Variants in CTNNA2 observed in about 807,000 individuals in gnomAD.
The protein encoded by CTNNA2 is catenin alpha-2.
CTNNA2 carries 42 observed loss-of-function variants against 101.0 expected under a neutral mutation model. That is an observed-to-expected ratio of 0.42 (90% CI 0.32 to 0.54). The LOEUF is 0.54. CTNNA2 is among the 20% of genes least tolerant of loss of function. CTNNA2 has a pLI of 0.14. For synonymous variants in CTNNA2, 450 were observed against 456.4 expected (o/e 0.99, Z 0.18); for missense variants, 871 against 1,223.1 (o/e 0.71, Z 4.29).
At chr2:79,243,003 C>CACACACATAT (rs1553385613) in intron 2 of CTNNA2, among the ~76,000 whole-genome samples, 1 of 134,330 alleles carries the variant, frequency 7.4e-6, no homozygotes, top group African/African-American at 2.7e-5. Flanking sequence ...TACACACACA[C>CACACACATAT]ACACACACAC....
At chr2:80,031,100 C>T (rs1482221892) in intron 7 of CTNNA2, among the ~76,000 whole-genome samples, 1 of 151,952 alleles carries the variant, frequency 6.6e-6, no homozygotes, top group East Asian at 1.9e-4. Flanking sequence ...ATCCCATTTC[C>T]AGGCATAAAT....
intron 2 of CTNNA2, among the ~76,000 whole-genome samples, chr2:79,696,659 G>A (rs1684671291): frequency 6.6e-6 from 1 of 151,962 alleles, no homozygotes; most frequent in African/African-American, 2.4e-5. Context: ...AGTACTCCCT[G>A]GGCCTAGAGG....
intron 11 of CTNNA2, among the ~76,000 whole-genome samples, chr2:80,547,368 T>G (rs1386367341): frequency 1.3e-5 from 2 of 152,188 alleles, no homozygotes; most frequent in East Asian, 1.9e-4. Context: ...AGGTTTTGTT[T>G]TAAGAAAACT....
chr2:79,549,543 A>G (rs888851596), intron 1 of CTNNA2, among the ~76,000 whole-genome samples: 1 of 152,188 alleles, frequency 6.6e-6, no homozygotes, highest in African/African-American at 2.4e-5. Flanking sequence ...TTTGTCATGT[A>G]ACTATGAACT....
intron 3 of CTNNA2, among the ~76,000 whole-genome samples, chr2:79,790,606 T>C (rs969806864): frequency 6.6e-6 from 1 of 152,198 alleles, no homozygotes; most frequent in Non-Finnish European, 1.5e-5. Flanking sequence ...GACTTTTAAA[T>C]GAAATTACTT....
intron 4 of CTNNA2, among the ~76,000 whole-genome samples, chr2:79,862,307 T>G (rs1681685775): frequency 6.6e-6 from 1 of 152,094 alleles, no homozygotes; most frequent in Admixed American, 6.5e-5. Context: ...CCAAATATAG[T>G]GCTGCTGTTC....
intron 7 of CTNNA2, among the ~76,000 whole-genome samples, chr2:80,129,256 A>T (rs1702290655): frequency 6.6e-6 from 1 of 152,140 alleles, no homozygotes; most frequent in Admixed American, 6.5e-5. Flanking sequence ...GGCTGATGGG[A>T]AGGCCCTGAA....
intron 11 of CTNNA2, among the ~76,000 whole-genome samples, chr2:80,548,836 T>G (rs1692319703): frequency 6.6e-6 from 1 of 152,340 alleles, no homozygotes; most frequent in Admixed American, 6.5e-5. Flanking sequence ...AACATTTACA[T>G]AAGTAAACTG....
Position 79,681,232 on chromosome 2 carries a change from G to T in CTNNA2, c.102+29574G>T, listed in dbSNP as rs75944102. On this transcript the variant is annotated intron_variant, in intron 2 of 18. Coordinates refer to ENST00000402739, the MANE Select transcript of CTNNA2 (RefSeq NM_001282597.3). Reference sequence around the variant, plus strand: ...CACTTTTCTACTAATTTTTTTAGAGGGCACTATTTTTCTCCTGTCCCCTGA... The same window carrying T: ...CACTTTTCTACTAATTTTTTTAGAGTGCACTATTTTTCTCCTGTCCCCTGA... Among the ~76,000 whole-genome samples the T allele has an allele frequency of 5.3e-3, 800 of 152,148 alleles. 9 individuals are homozygous for T. The highest frequency in any genetic ancestry group is 0.019 in the African/African-American group (769 of 41,520).
intron 7 of CTNNA2, among the ~76,000 whole-genome samples, chr2:80,201,361 T>C (rs1028307671): frequency 2.1e-5 from 3 of 142,974 alleles, no homozygotes; most frequent in African/African-American, 5.6e-5. Context: ...ATATTTCTTT[T>C]TCTTTCTTTT....
At position 79,616,085 on chromosome 2, in the gene CTNNA2, T is replaced by C. The variant is rs183355028; in HGVS notation, c.-5-35467T>C. ...CATTAAGAAGTTGCAGGAGAGATCT[T>C]ATCTCTCTCAAAGCCAAACATACTT... is the stretch of plus-strand genomic sequence containing the variant. On this transcript the variant is annotated intron_variant, in intron 1 of 18. Coordinates refer to ENST00000402739, the MANE Select transcript of CTNNA2 (RefSeq NM_001282597.3). Among the ~76,000 whole-genome samples the C allele has an allele frequency of 7.9e-5, 12 of 152,296 alleles. No homozygotes were observed. In the East Asian group the frequency reaches 1.9e-3, roughly 25 times the overall value.
intron 7 of CTNNA2, among the ~76,000 whole-genome samples, chr2:80,166,244 T>C (rs1704685058): frequency 6.6e-6 from 1 of 152,154 alleles, no homozygotes; most frequent in Non-Finnish European, 1.5e-5. Context: ...TCTTAGGGGA[T>C]GGGGCATATT....
intron 7 of CTNNA2, among the ~76,000 whole-genome samples, chr2:80,085,781 G>T (rs2148812338): frequency 6.6e-6 from 1 of 152,034 alleles, no homozygotes; most frequent in Middle Eastern, 3.4e-3. Context: ...TTCCCTCTTT[G>T]TGTCAGTTGT....
chr2:79,527,290 T>C (rs1672465467), intron 1 of CTNNA2, among the ~76,000 whole-genome samples: 1 of 151,688 alleles, frequency 6.6e-6, no homozygotes, highest in African/African-American at 2.4e-5. Flanking sequence ...TGAATGCACA[T>C]CAAAACCGCA....
chr2:80,587,686 A>T (rs990608129), intron 14 of CTNNA2, among the ~76,000 whole-genome samples: 1 of 152,174 alleles, frequency 6.6e-6, no homozygotes, highest in Admixed American at 6.5e-5. Flanking sequence ...CAGGGAGAAG[A>T]TTTATAATTT....
At chr2:80,270,442 C>T (rs1442669121) in intron 7 of CTNNA2, among the ~76,000 whole-genome samples, 2 of 152,162 alleles carry the variant, frequency 1.3e-5, no homozygotes, top group African/African-American at 2.4e-5. Flanking sequence ...CAGCAGGGAA[C>T]TCATTGTCTT....
In CTNNA2 at chr2:80,303,983, A is replaced by G; in HGVS notation, c.1057-89228A>G. On this transcript the variant is annotated intron_variant, in intron 7 of 18. Coordinates refer to ENST00000402739, the MANE Select transcript of CTNNA2 (RefSeq NM_001282597.3). The surrounding 1 kb of genome is among the most constrained non-coding windows in gnomAD (Gnocchi z 7.7). ...TAAAGAAGGACCCCCCTCCCCAAAAACCACACGTTCACCTCTAAGCATGCA... is the reference window on the plus strand; with the variant it reads ...TAAAGAAGGACCCCCCTCCCCAAAAGCCACACGTTCACCTCTAAGCATGCA... The G allele has an allele frequency of 1.3e-6, 1 of 772,576 alleles. No individual in the cohort carries two copies. The highest frequency in any genetic ancestry group is 2.9e-5 in the East Asian group (1 of 34,000). The allele number at this position is 772,576 out of a possible 1,614,324, so 47.9% of individuals were successfully genotyped here. A position where few individuals can be genotyped will look rare whatever the true frequency, so the allele number is the denominator to read the frequency against.
intron 2 of CTNNA2, among the ~76,000 whole-genome samples, chr2:79,202,431 T>C (rs759296255): frequency 4.6e-5 from 7 of 152,030 alleles, no homozygotes; most frequent in Non-Finnish European, 7.4e-5. Flanking sequence ...CAGCCTTGGA[T>C]TCTTGAGTTC....
chr2:79,812,075 C>T (rs958292660), intron 3 of CTNNA2, among the ~76,000 whole-genome samples: 2 of 152,222 alleles, frequency 1.3e-5, no homozygotes, highest in African/African-American at 2.4e-5. Context: ...TGCATGTATG[C>T]GTGAATTGAC....
Sources: gnomAD v4.1 joint callset for allele counts (sites outside exome capture counted in the v4.1 genomes callset) on GRCh38, gnomAD v4.1.1 for gene constraint, Gnocchi (gnomAD v3.1) non-coding constraint, MANE v1.5 for transcripts, NCBI Gene and HGNC (gene_info 2026-07-23, HGNC 2026-07-21) for gene names.